The following DAB1 variants were observed in gnomAD, a reference collection of about 807,000 sequenced individuals.
DAB1 encodes DAB adaptor protein 1.
A neutral mutation model predicts 64.6 loss-of-function variants in DAB1; 15 were observed. The ratio of observed to expected loss-of-function variants is 0.23; its 90% CI spans 0.16 to 0.36. The LOEUF is 0.36. DAB1 is among the 10% of genes least tolerant of loss of function. The pLI is 1.00. For missense variants in DAB1, 596 were observed against 706.7 expected, an observed-to-expected ratio of 0.84 and a Z score of 1.78; for synonymous variants, 235 against 251.9, an observed-to-expected ratio of 0.93 and a Z score of 0.64.
chr1:57,941,585 C>T (rs561805565), intron 5 of DAB1, among the ~76,000 whole-genome samples: 1 of 152,254 alleles, frequency 6.6e-6, no homozygotes, highest in East Asian at 1.9e-4. Context: ...GCCTGTAATC[C>T]CAGCACTTTG....
intron 12 of DAB1, among the ~76,000 whole-genome samples, chr1:57,011,482 C>T (rs1646265002): frequency 2.0e-5 from 3 of 152,194 alleles, no homozygotes; most frequent in African/African-American, 7.2e-5. Context: ...AGCTCGTCCA[C>T]ACTGATAGGT....
chr1:57,015,847 C>G (rs558628631), intron 11 of DAB1, among the ~76,000 whole-genome samples: 10 of 152,310 alleles, frequency 6.6e-5, no homozygotes, highest in African/African-American at 2.4e-4. Flanking sequence ...AAGAGTCTGA[C>G]TCTTTGTGGT....
chr1:58,127,237 C>A (rs376383936), intron 5 of DAB1, among the ~76,000 whole-genome samples: 2 of 152,026 alleles, frequency 1.3e-5, no homozygotes, highest in Non-Finnish European at 2.9e-5. Flanking sequence ...TCATGTGTTT[C>A]TTGGCTGCAT....
At position 57,931,434 on chromosome 1, in the gene DAB1, T is replaced by A. The variant is rs11805624; in HGVS notation, n.388-47272A>T. Among the ~76,000 whole-genome samples, 1,178 of 152,356 alleles carry A rather than the reference T, an allele frequency of 7.7e-3. 9 individuals carry two copies. The highest frequency in any genetic ancestry group is 0.027 in the African/African-American group (1,107 of 41,584). ...GAAAAAGATTGTAGAGAAACTGTTATAATTTATTCCTTAAGTTGTAGAATT... is the reference window on the plus strand; with the variant it reads ...GAAAAAGATTGTAGAGAAACTGTTAAAATTTATTCCTTAAGTTGTAGAATT... On this transcript the variant is annotated intron_variant and non_coding_transcript_variant, in intron 5 of 20. Transcript: ENST00000485760.
intron 7 of DAB1, among the ~76,000 whole-genome samples, chr1:57,502,331 A>AG (rs5774346): frequency 0.032 from 4,872 of 150,640 alleles, 276 homozygotes; most frequent in African/African-American, 0.11. Flanking sequence ...AAAAAAAAAA[A>AG]AAAAAAAGAA....
chr1:58,530,172 C>T (rs188773428), intron 1 of DAB1, among the ~76,000 whole-genome samples: 288 of 152,300 alleles, frequency 1.9e-3, no homozygotes, highest in Middle Eastern at 6.8e-3. Context: ...TGAGCCACGG[C>T]GCCCGGCCAA....
At chr1:57,421,883 T>C (rs974026098) in intron 1 of DAB1, among the ~76,000 whole-genome samples, 13 of 47,756 alleles carry the variant, frequency 2.7e-4, no homozygotes, top group African/African-American at 1.2e-3. Context: ...GGATAGGGAG[T>C]GAAAGAGATG....
intron 2 of DAB1, among the ~76,000 whole-genome samples, chr1:57,219,848 G>T (rs197616): frequency 0.26 from 39,454 of 151,976 alleles, 5,576 homozygotes; most frequent in East Asian, 0.41. Flanking sequence ...CCCAGAATCC[G>T]GAAAGAAAGG....
intron 5 of DAB1, among the ~76,000 whole-genome samples, chr1:57,999,778 A>G (rs933521107): frequency 5.9e-5 from 9 of 152,034 alleles, no homozygotes; most frequent in African/African-American, 1.9e-4. Flanking sequence ...GCTGCCTTAT[A>G]AAAAAGACAG....
chr1:57,316,496 T>G (rs1017857972), intron 1 of DAB1, among the ~76,000 whole-genome samples: 6 of 152,120 alleles, frequency 3.9e-5, no homozygotes, highest in African/African-American at 1.4e-4. Flanking sequence ...AGCAGCAGCA[T>G]CTGTCTCCTT....
At chr1:57,545,724 T>C (rs902495920) in intron 7 of DAB1, among the ~76,000 whole-genome samples, 2 of 152,222 alleles carry the variant, frequency 1.3e-5, no homozygotes, top group African/African-American at 2.4e-5. Flanking sequence ...TCCCACCTCA[T>C]GTTATTAATA....
At chr1:58,513,547 C>T (rs1413973171) in intron 2 of DAB1, among the ~76,000 whole-genome samples, 1 of 152,124 alleles carries the variant, frequency 6.6e-6, no homozygotes, top group Admixed American at 6.5e-5. Context: ...ATAATGGCTA[C>T]CGCTGGCCAG....
chr1:58,356,689 G>A (rs1350640532), intron 3 of DAB1, among the ~76,000 whole-genome samples: 1 of 152,126 alleles, frequency 6.6e-6, no homozygotes, highest in Non-Finnish European at 1.5e-5. Context: ...TTGGATCAGA[G>A]AGTAGGTAGG....
chr1:57,791,737 G>A (rs1469089668), intron 6 of DAB1, among the ~76,000 whole-genome samples: 2 of 152,024 alleles, frequency 1.3e-5, no homozygotes, highest in Non-Finnish European at 2.9e-5. Context: ...CCTGAGACCC[G>A]GGCTCCCCAC....
intron 1 of DAB1, among the ~76,000 whole-genome samples, chr1:57,852,604 T>C (rs1354958428): frequency 6.6e-6 from 1 of 151,884 alleles, no homozygotes; most frequent in African/African-American, 2.4e-5. Flanking sequence ...GCCATCTTGC[T>C]TGAGGCCCTC....
intron 4 of DAB1, among the ~76,000 whole-genome samples, chr1:58,155,655 C>T (rs886318571): frequency 1.6e-4 from 25 of 152,206 alleles, no homozygotes; most frequent in Non-Finnish European, 2.9e-4. Flanking sequence ...ACTTAGTAAC[C>T]GGCACAAACA....
At chr1:57,115,733 G>A (rs1215802246) in intron 4 of DAB1, among the ~76,000 whole-genome samples, 1 of 152,156 alleles carries the variant, frequency 6.6e-6, no homozygotes, top group Non-Finnish European at 1.5e-5. Flanking sequence ...ATGAGCTGGG[G>A]TCTTCTCTGA....
intron 5 of DAB1, among the ~76,000 whole-genome samples, chr1:58,027,584 G>C (rs1646912618): frequency 1.3e-5 from 2 of 152,100 alleles, no homozygotes; most frequent in Admixed American, 6.6e-5. Context: ...GGGGCTCTTT[G>C]ATATTAGGGT....
intron 4 of DAB1, among the ~76,000 whole-genome samples, chr1:57,109,933 A>G (rs116771467): frequency 0.029 from 4,470 of 152,188 alleles, 89 homozygotes; most frequent in Non-Finnish European, 0.042. Flanking sequence ...AATGCATGTT[A>G]CCTCCCAGGG....
Sources: gnomAD v4.1 joint callset for allele counts (sites outside exome capture counted in the v4.1 genomes callset) on GRCh38, gnomAD v4.1.1 for gene constraint, MANE v1.5 for transcripts, NCBI Gene and HGNC (gene_info 2026-07-23, HGNC 2026-07-21) for gene names.